AHRR: variants seen among roughly 807,000 people sequenced by gnomAD.
AHRR encodes aryl hydrocarbon receptor repressor.
Under a neutral mutation model 44.0 loss-of-function variants are expected in AHRR, and 28 were observed. That is an observed-to-expected ratio of 0.64 (90% confidence interval 0.47 to 0.87). AHRR has a LOEUF of 0.87. AHRR is among the 40% of genes least tolerant of loss of function. AHRR has a pLI of 0.00. For missense variants in AHRR, 990 were observed against 953.9 expected (o/e 1.04, Z -0.50); for synonymous variants, 434 against 407.0 (o/e 1.07, Z -0.80).
In AHRR at chr5:432,917, A is replaced by T. The variant is rs769124578; in HGVS notation, c.1082A>T (p.Asp361Val). 1 of 1,612,272 alleles carries T rather than the reference A, an allele frequency of 6.2e-7. No homozygotes were observed. The highest frequency in any genetic ancestry group is 2.2e-5 in the East Asian group (1 of 44,856). ...TGCCTGTGCCTCCGGGGTGGCCCTG[A>T]CCTTGTCCTTGACCCCAAGGGGGGC... ...APCLCLRGGP[D>V]LVLDPKGGSG... Residue 361 changes from aspartate to valine, a missense_variant, in exon 10 of 11, where the codon GAC becomes GTC. Physicochemically the swap from Asp to Val is radical, Grantham distance 152. Transcript: ENST00000684583.
At chr5:403,197 C>A (rs1055141991) in intron 4 of AHRR, among the ~76,000 whole-genome samples, 1 of 151,998 alleles carries the variant, frequency 6.6e-6, no homozygotes, top group African/African-American at 2.4e-5. Context: ...TGGGACGTAC[C>A]GGGCTGAGGA....
chr5:323,501 A>C lies in AHRR; in HGVS notation c.-11+1682A>C, dbSNP rs544441622. On this transcript the variant is annotated intron_variant, in intron 1 of 10. Coordinates refer to ENST00000684583, the MANE Select transcript of AHRR (RefSeq NM_001377236.1). ...GGCTTTTCTCTAAAGTATTATCAGC[A>C]ACTGTTTCTCAAACTACTTTATCTT... Among the ~76,000 whole-genome samples the C allele has an allele frequency of 5.9e-5, 9 of 152,302 alleles. No individual in the cohort carries two copies. The South Asian group carries it at 1.9e-3, about 32-fold the overall frequency.
intron 4 of AHRR, among the ~76,000 whole-genome samples, chr5:393,579 T>C (rs569626473): frequency 2.9e-4 from 44 of 152,232 alleles, no homozygotes; most frequent in Non-Finnish European, 6.0e-4. Flanking sequence ...TGCTCTTTCC[T>C]GGAGGCTGTG....
At chr5:351,086 C>A (rs961510236) in intron 2 of AHRR, among the ~76,000 whole-genome samples, 5 of 151,982 alleles carry the variant, frequency 3.3e-5, no homozygotes, top group Non-Finnish European at 5.9e-5. Context: ...TGGCTGTAAT[C>A]AAAAAAACAG....
intron 5 of AHRR, among the ~76,000 whole-genome samples, chr5:416,172 G>T: frequency 6.6e-6 from 1 of 152,246 alleles, no homozygotes; most frequent in East Asian, 1.9e-4. Flanking sequence ...GCTGTGTGCA[G>T]GGAGAGGGAA....
At chr5:425,356 T>A (rs1047723949) in intron 7 of AHRR, among the ~76,000 whole-genome samples, 10 of 152,232 alleles carry the variant, frequency 6.6e-5, no homozygotes, top group Non-Finnish European at 1.3e-4. Flanking sequence ...TCTCGCTCTG[T>A]CACCCAGGCT....
intron 2 of AHRR, among the ~76,000 whole-genome samples, chr5:350,755 A>G (rs1456514879): frequency 2.0e-5 from 3 of 146,910 alleles, no homozygotes; most frequent in Non-Finnish European, 4.5e-5. Context: ...AGCTTCAGTA[A>G]TTTTTGGTGG....
chr5:333,310 A>G (rs1199514726), intron 1 of AHRR, among the ~76,000 whole-genome samples: 1 of 152,188 alleles, frequency 6.6e-6, no homozygotes, highest in African/African-American at 2.4e-5. Context: ...AAAGTGGAAC[A>G]TTTGCCTGGG....
Position 434,908 on chromosome 5 carries a change from C to T in AHRR, c.*74C>T. 2.0e-6 allele frequency: 3 copies of T among 1,480,694 alleles called. No homozygotes were observed. The highest frequency in any genetic ancestry group is 4.9e-4 in the Middle Eastern group (2 of 4,096). The allele number at this position is 1,480,694 out of a possible 1,614,324, so 91.7% of individuals were successfully genotyped here. ...CGTCGGTGGCTGGGCTGCCCTGCTC[C>T]TGGTCAGGCCGGAGCCCGTCCTAAG... On this transcript the variant is annotated 3_prime_UTR_variant, in exon 11 of 11. Transcript: ENST00000684583.
At chr5:329,689 T>C (rs1200720453) in intron 1 of AHRR, among the ~76,000 whole-genome samples, 1 of 152,224 alleles carries the variant, frequency 6.6e-6, no homozygotes, top group Non-Finnish European at 1.5e-5. Context: ...TTTGTAATTT[T>C]CCTTGTAGAG....
intron 5 of AHRR, among the ~76,000 whole-genome samples, chr5:416,028 G>C (rs1195123125): frequency 3.9e-5 from 6 of 152,206 alleles, no homozygotes; most frequent in Non-Finnish European, 7.4e-5. Flanking sequence ...ATTGCAGTGA[G>C]CTTGTTTTCT....
chr5:437,046 C>CCCTT lies in AHRR; in HGVS notation c.*2213_*2216dup, dbSNP rs1477005233. 6.6e-6 allele frequency: 1 copy of CCCTT among 152,378 alleles called. No homozygotes were observed. Among genetic ancestry groups the CCCTT allele is most frequent in the Admixed American group, 6.5e-5 (1 of 15,284 alleles). The allele number at this position is 152,378 out of a possible 1,614,324, so 9.4% of individuals were successfully genotyped here. A position where few individuals can be genotyped will look rare whatever the true frequency, so the allele number is the denominator to read the frequency against. On this transcript the variant is annotated 3_prime_UTR_variant, in exon 11 of 11. Coordinates refer to ENST00000684583, the MANE Select transcript of AHRR (RefSeq NM_001377236.1). ...AGCTCCTTTGCTGATCATGGAAAGA[C>CCCTT]CCTTAATAATTAGGCCTGCAGGCCA...
chr5:402,018 T>C (rs932090196), intron 4 of AHRR, among the ~76,000 whole-genome samples: 52 of 152,250 alleles, frequency 3.4e-4, no homozygotes, highest in African/African-American at 1.1e-3. Flanking sequence ...AGAGGCAGCC[T>C]ATGGAATGGG....
intron 4 of AHRR, chr5:403,890 C>A: frequency 6.3e-7 from 1 of 1,588,356 alleles, no homozygotes; most frequent in South Asian, 1.1e-5. Flanking sequence ...CAGCTTGTGG[C>A]CTAGATGAGA....
At chr5:339,390 G>A (rs1742252226) in intron 1 of AHRR, among the ~76,000 whole-genome samples, 1 of 152,146 alleles carries the variant, frequency 6.6e-6, no homozygotes, top group African/African-American at 2.4e-5. Context: ...CAAAGTGCTG[G>A]GATTATAGGT....
Position 411,052 on chromosome 5 carries a change from G to A in AHRR, c.352-2292G>A, listed in dbSNP as rs1228240559. On this transcript the variant is annotated intron_variant, in intron 4 of 10. Transcript: ENST00000684583. The surrounding 1 kb of genome is among the most constrained non-coding windows in gnomAD (Gnocchi z 4.2). Reference sequence around the variant, plus strand: ...GATGAGTCTTGCTAGCAGATTATCCGTTTTATTAATCTTTTCAAAATTTTC... The same window carrying A: ...GATGAGTCTTGCTAGCAGATTATCCATTTTATTAATCTTTTCAAAATTTTC... 8.6e-5 allele frequency among the ~76,000 whole-genome samples: 13 copies of A among 151,250 alleles called. No individual in the cohort carries two copies. Among genetic ancestry groups the A allele is most frequent in the South Asian group, 2.1e-4 (1 of 4,800 alleles).
At chr5:362,798 G>T (rs1415000027) in intron 3 of AHRR, among the ~76,000 whole-genome samples, 2 of 152,206 alleles carry the variant, frequency 1.3e-5, no homozygotes, top group Non-Finnish European at 2.9e-5. Flanking sequence ...AAGAGCAGGG[G>T]CTCATTCACT....
rs938704683 is a variant in AHRR at position 406,237 on chromosome 5, T to G, written c.352-7107T>G. ...TCTGCTGCCCCCAGCCCCCCTTCCT[T>G]CCAGCCAGTGGCTCTGTGAGCCGCC... On this transcript the variant is annotated intron_variant, in intron 4 of 10. Transcript: ENST00000684583. The surrounding 1 kb of genome is among the most constrained non-coding windows in gnomAD (Gnocchi z 4.7). Among the ~76,000 whole-genome samples the G allele has an allele frequency of 6.6e-6, 1 of 152,160 alleles. No homozygotes were observed. The highest frequency in any genetic ancestry group is 2.4e-5 in the African/African-American group (1 of 41,428).
intron 5 of AHRR, chr5:421,393 G>C: frequency 1.7e-6 from 1 of 592,024 alleles, no homozygotes; most frequent in Non-Finnish European, 3.0e-6. Flanking sequence ...CCCCCACACG[G>C]AGGGCGGCCC....
Sources: gnomAD v4.1 joint callset for allele counts (sites outside exome capture counted in the v4.1 genomes callset) on GRCh38, gnomAD v4.1.1 for gene constraint, Gnocchi (gnomAD v3.1) non-coding constraint, MANE v1.5 for transcripts, NCBI Gene and HGNC (gene_info 2026-07-23, HGNC 2026-07-21) for gene names.